Variants in TPP1 observed in about 807,000 individuals in gnomAD.
The protein encoded by TPP1 is tripeptidyl-peptidase 1.
In TPP1, 43 loss-of-function variants were observed where a neutral mutation model predicts 67.6. The observed-to-expected ratio is 0.64, with a 90% CI of 0.50 to 0.82. The LOEUF is 0.82. Ranked by LOEUF, TPP1 falls within the 40% of genes least tolerant of loss-of-function variation. The pLI is 0.00. For missense variants in TPP1, 671 were observed against 710.9 expected (o/e 0.94, Z 0.64); for synonymous variants, 272 against 281.5 (o/e 0.97, Z 0.34).
intron 8 of TPP1, 86 bp from the exon 9 acceptor site, chr11:6,616,160 T>C (rs1855578484): frequency 5.7e-6 from 9 of 1,589,326 alleles, no homozygotes; most frequent in Non-Finnish European, 7.8e-6. Flanking sequence ...TTTGTTACTG[T>C]AGGAGGTCAG....
rs1855543936 is a variant in TPP1 at position 6,614,477 on chromosome 11, G to A, written c.*69C>T. On this transcript the variant is annotated 3_prime_UTR_variant, in exon 13 of 13. Coordinates refer to ENST00000299427, the MANE Select transcript of TPP1 (RefSeq NM_000391.4). ...TGAGGGTTCAGCAGGGCTTCCAACA[G>A]GGCAGAATAAGGGACTGAACTGCCA... 3.7e-6 allele frequency: 6 copies of A among 1,605,530 alleles called. No homozygotes were observed. The Admixed American group carries it at 8.3e-5, about 22-fold the overall frequency.
At chr11:6,619,363 C>G in intron 1 of TPP1, 21 bp downstream of exon 1, 1 of 1,614,206 alleles carries the variant, frequency 6.2e-7, no homozygotes, top group Non-Finnish European at 8.5e-7. Flanking sequence ...CCCTTTCTCC[C>G]GAGCCCTCTC....
In TPP1 at chr11:6,612,822, G is replaced by C. The variant is rs1357538548; in HGVS notation, c.*1724C>G. 1 of 152,622 alleles carries C rather than the reference G, an allele frequency of 6.6e-6. No homozygotes were observed. Among genetic ancestry groups the C allele is most frequent in the East Asian group, 1.9e-4 (1 of 5,200 alleles). The allele number at this position is 152,622 out of a possible 1,614,324, so 9.5% of individuals were successfully genotyped here. ...TTTGCCAACTCCTGAGCTAGGACCT[G>C]GGAACACAAAGTTAAATAGGACACG... On this transcript the variant is annotated 3_prime_UTR_variant, in exon 13 of 13. Coordinates refer to ENST00000299427, the MANE Select transcript of TPP1 (RefSeq NM_000391.4).
In TPP1 at chr11:6,614,529, C is replaced by T. The variant is rs1312253588; in HGVS notation, c.*17G>A. ...CTTCAGGGCAGGGGACAAGCCATCT[C>T]TCCTGATAGGAAAGGGTCAGGGGTT... is the stretch of plus-strand genomic sequence containing the variant. On this transcript the variant is annotated 3_prime_UTR_variant, in exon 13 of 13. Coordinates refer to ENST00000299427, the MANE Select transcript of TPP1 (RefSeq NM_000391.4). The T allele has an allele frequency of 6.2e-7, 1 of 1,614,166 alleles. No homozygotes were observed. Among genetic ancestry groups the T allele is most frequent in the Non-Finnish European group, 8.5e-7 (1 of 1,180,034 alleles).
rs966258705 is a variant in TPP1 at position 6,617,694 on chromosome 11, C to T, written c.312G>A (p.Leu104=). 6.8e-6 allele frequency: 11 copies of T among 1,614,106 alleles called. No individual in the cohort carries two copies. Among genetic ancestry groups the T allele is most frequent in the Non-Finnish European group, 9.3e-6 (11 of 1,180,048 alleles). Residue 104 remains leucine (L), a synonymous_variant, in exon 4 of 13, where the codon TTG becomes TTA. Coordinates refer to ENST00000299427, the MANE Select transcript of TPP1 (RefSeq NM_000391.4). ...AATGGCACTTCTGGGCTCCGGCTGC[C>T]AAGAGCCATTTTTGCACCGTGTGGA... ...LTLHTVQKWL[L]AAGAQKCHSV...
Position 6,617,290 on chromosome 11 carries a change from A to G in TPP1, c.508+11T>C, listed in dbSNP as rs762693788. 6 of 1,613,814 alleles carry G rather than the reference A, an allele frequency of 3.7e-6. No homozygotes were observed. The highest frequency in any genetic ancestry group is 5.1e-6 in the Non-Finnish European group (6 of 1,179,954). ...GTGTGCCCCAACCCCCATTCACCCC[A>G]TAGGTGTTACCAAAGTCCACATGGG... On this transcript the variant is annotated intron_variant, in intron 5 of 12. Coordinates refer to ENST00000299427, the MANE Select transcript of TPP1 (RefSeq NM_000391.4).
Position 6,618,882 on chromosome 11 carries a change from C to A in TPP1, c.123G>T (p.Ala41=). Residue 41 remains alanine, a synonymous_variant, in exon 3 of 13, where the codon GCG becomes GCT. Transcript: ENST00000299427. ...TGAGACTCAGCTCTTCCTCAGGGTC[C>A]GCACGGCCCAGGGACACCCAGCCTG... ...LPPGWVSLGR[A]DPEEELSLTF... The A allele has an allele frequency of 4.3e-6, 7 of 1,613,832 alleles. No homozygotes were observed. Among genetic ancestry groups the A allele is most frequent in the Non-Finnish European group, 5.9e-6 (7 of 1,180,022 alleles).
chr11:6,616,088 A>C lies in TPP1; in HGVS notation c.1076-14T>G, dbSNP rs1478753374. ...CCCCACTGTCACCTGAGAGAGACCA[A>C]GTGTAGCATTCATATTAATTGGTTA... On this transcript the variant is annotated splice_polypyrimidine_tract_variant and intron_variant, in intron 8 of 12. Coordinates refer to ENST00000299427, the MANE Select transcript of TPP1 (RefSeq NM_000391.4). The C allele has an allele frequency of 6.2e-7, 1 of 1,614,124 alleles. No homozygotes were observed. Among genetic ancestry groups the C allele is most frequent in the East Asian group, 2.2e-5 (1 of 44,886 alleles).
Position 6,617,149 on chromosome 11 carries a change from C to A in TPP1, c.513G>T (p.Gly171=), listed in dbSNP as rs145224171. ...ATGTTGGGGGAAAACGGTGCAGTCC[C>A]CCCACTGTAGGGAGAAGTCAGGCTT... The part of the protein sequence containing the change: ...QALAPHVDFV[G]GLHRFPPTSS... The change falls in exon 6 of 13, where the codon GGG becomes GGT. Residue 171 remains glycine (G), a synonymous_variant. Transcript: ENST00000299427. The A allele has an allele frequency of 6.6e-5, 106 of 1,614,080 alleles. No homozygotes were observed. In the African/African-American group the frequency reaches 1.3e-3, roughly 19 times the overall value.
Position 6,618,773 on chromosome 11 carries a change from C to G in TPP1, c.229+3G>C. The stretch of plus-strand genomic sequence containing the variant: ...ACATCCTGTCCTCAGTCCCAAAAGG[C>G]ACCGTATTGAGGAGAGCTGGGATCC... On this transcript the variant is annotated splice_donor_region_variant and intron_variant, in intron 3 of 12. Coordinates refer to ENST00000299427, the MANE Select transcript of TPP1 (RefSeq NM_000391.4). 6.2e-7 allele frequency: 1 copy of G among 1,613,778 alleles called. No homozygotes were observed.
chr11:6,616,096 A>G (rs1253811702), intron 8 of TPP1, 22 bp from the exon 9 acceptor site: 1 of 1,613,784 alleles, frequency 6.2e-7, no homozygotes, highest in Non-Finnish European at 8.5e-7. Context: ...CAAGTGTAGC[A>G]TTCATATTAA....
At chr11:6,617,225 A>C in intron 5 of TPP1, 72 bp from the exon 6 acceptor site, 2 of 1,613,698 alleles carry the variant, frequency 1.2e-6, no homozygotes, top group Non-Finnish European at 8.5e-7. Context: ...CCCCACCCCC[A>C]GTCCCCAATG....
chr11:6,615,371 C>G lies in TPP1; in HGVS notation c.1267-42G>C, dbSNP rs775743187. Reference sequence around the variant, plus strand: ...AGTGAGTATTGGCATGTGGCCTGCCCAGCAGTCAGCTGAACTGAGGATCCC... The same window carrying G: ...AGTGAGTATTGGCATGTGGCCTGCCGAGCAGTCAGCTGAACTGAGGATCCC... On this transcript the variant is annotated intron_variant, in intron 10 of 12. Transcript: ENST00000299427. 3.7e-6 allele frequency: 6 copies of G among 1,613,982 alleles called. No individual in the cohort carries two copies. The African/African-American group carries it at 8.0e-5, about 22-fold the overall frequency.
At chr11:6,615,834 T>G in intron 9 of TPP1, 171 bp downstream of exon 9, 1 of 839,322 alleles carries the variant, frequency 1.2e-6, no homozygotes, top group Non-Finnish European at 2.0e-6. Flanking sequence ...ACACAAGAGA[T>G]TTGGGGCCTG....
In TPP1 at chr11:6,616,751, G is replaced by A. The variant is rs200138397; in HGVS notation, c.796C>T (p.Arg266Trp). ...CTGGCCTCAATCCCGGCCCGGCCCC[G>A]GCCCTGTTGTCCAACCACACGGGCT... The part of the protein sequence containing the change: ...SVARVVGQQG[R>W]GRAGIEASLD... The change falls in exon 7 of 13, where the codon CGG becomes TGG. Residue 266 changes from arginine to tryptophan, a missense_variant. Transcript: ENST00000299427. The A allele has an allele frequency of 2.3e-4, 368 of 1,613,996 alleles. 1 individual carries two copies. Among genetic ancestry groups the A allele is most frequent in the South Asian group, 5.1e-4 (46 of 91,080 alleles).
chr11:6,615,871 TACAGCAACCAGGGC>T, intron 9 of TPP1, 120 bp downstream of exon 9: 1 of 1,015,038 alleles, frequency 9.9e-7, no homozygotes, highest in Non-Finnish European at 1.5e-6. Context: ...GAGACAGGAG[TACAGCAACCAGGGC>T]AGGCAAAGCT....
Position 6,614,989 on chromosome 11 carries a change from G to C in TPP1, c.1428C>G (p.Ala476=). ...VPIPWVSGTS[A]STPVFGGILS... ...GGATCCCCCCAAACACTGGAGTAGA[G>C]GCCTACAAGAGTGAAGGTGCAAGTA... The change falls in exon 12 of 13, where the codon GCC becomes GCG. Residue 476 remains alanine (A), a splice_region_variant and synonymous_variant. Coordinates refer to ENST00000299427, the MANE Select transcript of TPP1 (RefSeq NM_000391.4). 1.2e-6 allele frequency: 2 copies of C among 1,614,108 alleles called. No individual in the cohort carries two copies. The highest frequency in any genetic ancestry group is 1.7e-6 in the Non-Finnish European group (2 of 1,180,020).
Position 6,617,613 on chromosome 11 carries a change from CA to C in TPP1, c.380+12del, listed in dbSNP as rs1197855199. ...TGACTGGTGCCCTCCATGGAGCAAT[CA>C]TTTCCTCTCACCGGATGCTCAGCCA... On this transcript the variant is annotated intron_variant, in intron 4 of 12. Transcript: ENST00000299427. 6.2e-7 allele frequency: 1 copy of C among 1,614,050 alleles called. No individual in the cohort carries two copies. Among genetic ancestry groups the C allele is most frequent in the Admixed American group, 1.7e-5 (1 of 60,012 alleles).
In TPP1 at chr11:6,617,769, G is replaced by T; in HGVS notation, c.237C>A (p.Tyr79Ter). ...SDPSSPQYGKYLTLENVADLV... is the reference protein window; with the variant it reads ...SDPSSPQYGK ...GATCAGCCACATTCTCTAGGGTCAG[G>T]TATTTTCCTGCAGGGATTCAGAAGA... Residue 79 changes from tyrosine to a stop codon, truncating the protein, a stop_gained, in exon 4 of 13, where the codon TAC (tyrosine) becomes TAA (stop). Transcript: ENST00000299427. LOFTEE classifies it high-confidence loss of function. 6.2e-7 allele frequency: 1 copy of T among 1,614,182 alleles called. No individual in the cohort carries two copies. Among genetic ancestry groups the T allele is most frequent in the African/African-American group, 1.3e-5 (1 of 75,028 alleles).
Sources: allele counts gnomAD v4.1 joint callset, GRCh38; gene constraint gnomAD v4.1.1; transcripts MANE v1.5; gene names NCBI Gene and HGNC (gene_info 2026-07-23, HGNC 2026-07-21).